The following ATP8B4 variants were observed in gnomAD, a reference collection of about 807,000 sequenced individuals.
The protein encoded by ATP8B4 is probable phospholipid-transporting ATPase IM.
A neutral mutation model predicts 145.6 loss-of-function variants in ATP8B4; 133 were observed. The observed-to-expected ratio is 0.91, with a 90% confidence interval of 0.79 to 1.05. ATP8B4 has a LOEUF of 1.05. ATP8B4 is among the 50% of genes least tolerant of loss of function. The pLI, the probability that ATP8B4 is intolerant of heterozygous loss-of-function variation, is 0.00. For missense variants in ATP8B4, 1,458 were observed against 1,425.2 expected, an observed-to-expected ratio of 1.02 and a Z score of -0.37; for synonymous variants, 507 against 492.9, an observed-to-expected ratio of 1.03 and a Z score of -0.38.
intron 14 of ATP8B4, among the ~76,000 whole-genome samples, chr15:49,942,401 G>C (rs1372300130): frequency 6.6e-6 from 1 of 151,782 alleles, no homozygotes; most frequent in African/African-American, 2.4e-5. Context: ...AATAACACAA[G>C]ACAGAAACTT....
At chr15:49,912,778 A>G (rs927504885) in intron 20 of ATP8B4, among the ~76,000 whole-genome samples, 1 of 152,160 alleles carries the variant, frequency 6.6e-6, no homozygotes, top group Non-Finnish European at 1.5e-5. Flanking sequence ...TGAACAAAAA[A>G]GTAACAAACT....
At chr15:49,864,284 G>C (rs2032392516) in intron 26 of ATP8B4, among the ~76,000 whole-genome samples, 1 of 152,196 alleles carries the variant, frequency 6.6e-6, no homozygotes, top group Non-Finnish European at 1.5e-5. Context: ...AGGTGCCTTT[G>C]CATCAATGTG....
intron 1 of ATP8B4, among the ~76,000 whole-genome samples, chr15:50,148,438 G>A (rs1481119352): frequency 2.6e-5 from 4 of 152,160 alleles, no homozygotes; most frequent in Non-Finnish European, 5.9e-5. Context: ...GTATTAAGAG[G>A]TGGGGCCTTT....
chr15:49,998,596 T>C (rs973823424), intron 8 of ATP8B4, among the ~76,000 whole-genome samples: 16 of 152,336 alleles, frequency 1.1e-4, no homozygotes, highest in African/African-American at 3.8e-4. Context: ...TGTTTGTTTT[T>C]TTCTTGTAAA....
chr15:49,989,120 G>C (rs940342114), intron 9 of ATP8B4, among the ~76,000 whole-genome samples: 1 of 152,166 alleles, frequency 6.6e-6, no homozygotes, highest in African/African-American at 2.4e-5. Context: ...CTTGCCAAGG[G>C]AAGGGGCTGA....
At chr15:50,121,663 GA>G (rs373552516), upstream of ATP8B4, among the ~76,000 whole-genome samples, 20 of 147,738 alleles carry the variant, frequency 1.4e-4, no homozygotes, top group East Asian at 2.0e-4. Context: ...TAGGATACAA[GA>G]AAAAAAAAAC....
At chr15:49,862,459 CT>C (rs751951310) in intron 26 of ATP8B4, 84 bp from the exon 27 acceptor site, 120,757 of 1,016,160 alleles carry the variant, frequency 0.12, no homozygotes, top group South Asian at 0.17. Context: ...CCTACAAGAT[CT>C]TTTTTTTTTT....
At chr15:50,162,396 C>G (rs979455783) in intron 1 of ATP8B4, among the ~76,000 whole-genome samples, 1 of 151,708 alleles carries the variant, frequency 6.6e-6, no homozygotes, top group African/African-American at 2.4e-5. Flanking sequence ...GTTATTTCTC[C>G]CTTGAATAAA....
chr15:50,026,875 T>A (rs1463413012), intron 6 of ATP8B4, among the ~76,000 whole-genome samples: 2 of 152,132 alleles, frequency 1.3e-5, no homozygotes, highest in Non-Finnish European at 1.5e-5. Context: ...ACGGACCACA[T>A]TGCACCAGAG....
chr15:49,887,581 C>T (rs1384795195), intron 23 of ATP8B4, among the ~76,000 whole-genome samples: 2 of 152,076 alleles, frequency 1.3e-5, no homozygotes, highest in Middle Eastern at 3.4e-3. Flanking sequence ...ATCTCCAATA[C>T]TCTGAACAAG....
chr15:50,148,971 A>C (rs1393246359), intron 1 of ATP8B4, among the ~76,000 whole-genome samples: 1 of 152,214 alleles, frequency 6.6e-6, no homozygotes, highest in Non-Finnish European at 1.5e-5. Flanking sequence ...ATCCATAAGT[A>C]CTTAGTATGT....
At chr15:50,086,996 A>G (rs2055187079) in intron 2 of ATP8B4, among the ~76,000 whole-genome samples, 1 of 112,262 alleles carries the variant, frequency 8.9e-6, no homozygotes, top group Non-Finnish European at 1.6e-5. Context: ...ATATATAATA[A>G]AATAATATAG....
In ATP8B4 at chr15:50,037,878, G is replaced by T. The variant is rs557942891; in HGVS notation, c.362+890C>A. ...TTATTAGAAATCAATCAATATTTTA[G>T]TTATAGAGATTACTTCAATATCACC... On this transcript the variant is annotated intron_variant, in intron 6 of 27. Transcript: ENST00000284509. Among the ~76,000 whole-genome samples, 9 of 152,284 alleles carry T rather than the reference G, an allele frequency of 5.9e-5. No individual in the cohort carries two copies. In the East Asian group the frequency reaches 1.7e-3, roughly 29 times the overall value.
intron 1 of ATP8B4, among the ~76,000 whole-genome samples, chr15:50,138,329 GATA>G (rs1382742537): frequency 0.051 from 1,280 of 25,302 alleles, 14 homozygotes; most frequent in African/African-American, 0.067. Context: ...TAGATAGGTA[GATA>G]GATAGATAGA....
intron 14 of ATP8B4, among the ~76,000 whole-genome samples, chr15:49,954,453 C>A (rs1448830497): frequency 6.6e-6 from 1 of 151,980 alleles, no homozygotes; most frequent in Admixed American, 6.6e-5. Flanking sequence ...GACTTAATAT[C>A]GAGAATTGAT....
At chr15:50,152,730 C>T (rs1159083817) in intron 1 of ATP8B4, among the ~76,000 whole-genome samples, 3 of 152,064 alleles carry the variant, frequency 2.0e-5, no homozygotes, top group East Asian at 1.9e-4. Context: ...TTAACCAGAG[C>T]GATAATCAAA....
At chr15:50,121,803 T>G (rs1259603102), upstream of ATP8B4, among the ~76,000 whole-genome samples, 1 of 152,164 alleles carries the variant, frequency 6.6e-6, no homozygotes, top group African/African-American at 2.4e-5. Flanking sequence ...AAGCCTTACT[T>G]TTGACAAACG....
At chr15:50,171,168 T>C (rs1439390466) in intron 1 of ATP8B4, among the ~76,000 whole-genome samples, 1 of 151,888 alleles carries the variant, frequency 6.6e-6, no homozygotes, top group African/African-American at 2.4e-5. Context: ...AGAAAGTCAA[T>C]AAACAATGAA....
intron 1 of ATP8B4, among the ~76,000 whole-genome samples, chr15:50,128,990 C>T (rs935683919): frequency 1.3e-5 from 2 of 152,304 alleles, no homozygotes; most frequent in Non-Finnish European, 2.9e-5. Context: ...ATCACTTGAA[C>T]CCGGGAGGTG....
Sources: allele counts gnomAD v4.1 joint callset (sites outside exome capture counted in the v4.1 genomes callset), GRCh38; gene constraint gnomAD v4.1.1; transcripts MANE v1.5; gene names NCBI Gene and HGNC (gene_info 2026-07-23, HGNC 2026-07-21).